The following SAMD5 variants were observed in gnomAD, a reference collection of about 807,000 sequenced individuals.
SAMD5 encodes sterile alpha motif domain containing 5.
Under a neutral mutation model 11.3 loss-of-function variants are expected in SAMD5, and 13 were observed. The observed-to-expected ratio is 1.15, with a 90% CI of 0.75 to 1.83. SAMD5 has a LOEUF of 1.83. Ranked by LOEUF, SAMD5 falls within the 40% of genes most tolerant of loss-of-function variation. SAMD5 has a pLI of 0.00. For synonymous variants in SAMD5, 129 were observed against 111.3 expected (o/e 1.16, Z -1.00); for missense variants, 255 against 239.1 (o/e 1.07, Z -0.44).
chr6:147,509,174 C>T lies in SAMD5; in HGVS notation c.246C>T (p.Pro82=). 2.3e-6 allele frequency: 3 copies of T among 1,303,278 alleles called. No homozygotes were observed. The highest frequency in any genetic ancestry group is 1.9e-6 in the Non-Finnish European group (2 of 1,028,854). 80.7% of individuals were successfully genotyped at this position (1,303,278 alleles called of 1,614,324 possible). The change falls in exon 1 of 2, where the codon CCC becomes CCT. Residue 82 remains proline, a synonymous_variant. Coordinates refer to ENST00000367474, the MANE Select transcript of SAMD5 (RefSeq NM_001030060.3). ...LYFTLEPQPA[P]PGPPADAVPT... is the part of the protein sequence containing the mutation. ...TCACGCTTGAGCCGCAGCCGGCGCCCCCCGGGCCGCCCGCCGACGCCGTCC... is the reference window on the plus strand; with the variant it reads ...TCACGCTTGAGCCGCAGCCGGCGCCTCCCGGGCCGCCCGCCGACGCCGTCC...
chr6:147,510,628 A>C (rs1343888182), intron 1 of SAMD5, among the ~76,000 whole-genome samples: 1 of 152,224 alleles, frequency 6.6e-6, no homozygotes, highest in African/African-American at 2.4e-5. Flanking sequence ...AAGGAAGTTA[A>C]AGGGAAAGCT....
chr6:147,559,753 A>AT (rs1271084450), intron 1 of SAMD5, among the ~76,000 whole-genome samples: 1 of 152,136 alleles, frequency 6.6e-6, no homozygotes, highest in Non-Finnish European at 1.5e-5. Flanking sequence ...TAGGCCAAAC[A>AT]TTTTTCTCTT....
At chr6:147,888,335 A>G in the SAMD5 span, among the ~76,000 whole-genome samples, 3 of 151,946 alleles carry the variant, frequency 2.0e-5, no homozygotes, top group South Asian at 2.1e-4. Context: ...TTTGGAGTGC[A>G]GGCCTGATAG....
chr6:147,643,960 A>G (rs575050349), intron 1 of SAMD5, among the ~76,000 whole-genome samples: 64 of 143,570 alleles, frequency 4.5e-4, no homozygotes, highest in African/African-American at 1.6e-3. Flanking sequence ...CTAGTGTTGT[A>G]GGTCCAAAGT....
At chr6:147,910,934 T>C in the SAMD5 span, among the ~76,000 whole-genome samples, 1 of 152,230 alleles carries the variant, frequency 6.6e-6, no homozygotes, top group African/African-American at 2.4e-5. Context: ...ACAGTACTAA[T>C]TGTTGACGCT....
chr6:147,677,202 G>A (rs915501410), intron 1 of SAMD5, among the ~76,000 whole-genome samples: 14 of 152,134 alleles, frequency 9.2e-5, no homozygotes, highest in African/African-American at 3.4e-4. Context: ...GGACCTCTCT[G>A]TATTGGACAA....
the SAMD5 span, among the ~76,000 whole-genome samples, chr6:147,875,564 T>C: frequency 6.6e-6 from 1 of 152,174 alleles, no homozygotes; most frequent in African/African-American, 2.4e-5. Flanking sequence ...CAGCCCCTGG[T>C]CTGTGGCCTG....
At chr6:147,887,186 T>C in the SAMD5 span, among the ~76,000 whole-genome samples, 1 of 152,220 alleles carries the variant, frequency 6.6e-6, no homozygotes, top group African/African-American at 2.4e-5. Context: ...ATATAGAACA[T>C]TGACATACAA....
At chr6:147,812,257 T>G in the SAMD5 span, among the ~76,000 whole-genome samples, 1 of 152,286 alleles carries the variant, frequency 6.6e-6, no homozygotes, top group South Asian at 2.1e-4. Context: ...GAATGAATGT[T>G]GGAGGAAAAG....
intron 1 of SAMD5, among the ~76,000 whole-genome samples, chr6:147,593,991 G>T (rs1789492904): frequency 6.6e-6 from 1 of 152,022 alleles, no homozygotes; most frequent in Non-Finnish European, 1.5e-5. Flanking sequence ...AGCCTGGCTT[G>T]GTGTGCAGGT....
At chr6:147,672,901 G>A (rs12661040) in intron 1 of SAMD5, among the ~76,000 whole-genome samples, 11,536 of 151,910 alleles carry the variant, frequency 0.076, 566 homozygotes, top group East Asian at 0.2. Context: ...TATTTACATT[G>A]TTGTAACTGT....
At chr6:147,869,589 G>A in the SAMD5 span, among the ~76,000 whole-genome samples, 1 of 152,136 alleles carries the variant, frequency 6.6e-6, no homozygotes, top group Non-Finnish European at 1.5e-5. Context: ...AGCCACATAT[G>A]GGATTTAAAG....
intron 1 of SAMD5, among the ~76,000 whole-genome samples, chr6:147,559,457 T>C (rs2128443945): frequency 6.6e-6 from 1 of 152,294 alleles, no homozygotes; most frequent in South Asian, 2.1e-4. Flanking sequence ...ACTATACTTT[T>C]CATTTGCTGA....
intron 1 of SAMD5, among the ~76,000 whole-genome samples, chr6:147,628,791 A>C (rs1383199295): frequency 6.6e-6 from 1 of 152,150 alleles, no homozygotes; most frequent in African/African-American, 2.4e-5. Context: ...TTCTCTGTGG[A>C]GAACAGAGAG....
chr6:147,697,982 T>G (rs575593787), intron 1 of SAMD5, among the ~76,000 whole-genome samples: 1 of 152,246 alleles, frequency 6.6e-6, no homozygotes, highest in East Asian at 1.9e-4. Flanking sequence ...GGAGATGGAT[T>G]CAGGATGAAA....
the SAMD5 span, among the ~76,000 whole-genome samples, chr6:147,816,698 G>C: frequency 2.0e-5 from 3 of 151,888 alleles, no homozygotes; most frequent in African/African-American, 7.3e-5. Flanking sequence ...ATAAATTTTG[G>C]AGGTAACGAA....
intron 1 of SAMD5, among the ~76,000 whole-genome samples, chr6:147,635,007 C>A (rs185666820): frequency 6.6e-6 from 1 of 152,280 alleles, no homozygotes; most frequent in East Asian, 1.9e-4. Context: ...TGGAGACACC[C>A]ACAGACCAAC....
the SAMD5 span, among the ~76,000 whole-genome samples, chr6:147,842,882 T>C: frequency 2.0e-5 from 3 of 152,184 alleles, no homozygotes; most frequent in Admixed American, 1.3e-4. Flanking sequence ...AAATTTTTTT[T>C]AGAAGGAGTC....
chr6:147,893,356 T>G, the SAMD5 span, among the ~76,000 whole-genome samples: 62 of 152,298 alleles, frequency 4.1e-4, 2 homozygotes, highest in South Asian at 9.9e-3. Context: ...TAGTAAGTTA[T>G]GGACCCAGAA....
Sources: gnomAD v4.1 joint callset for allele counts (sites outside exome capture counted in the v4.1 genomes callset) on GRCh38, gnomAD v4.1.1 for gene constraint, MANE v1.5 for transcripts, NCBI Gene and HGNC (gene_info 2026-07-23, HGNC 2026-07-21) for gene names.